KLKB1: variants seen among roughly 807,000 people sequenced by gnomAD.
KLKB1 encodes kallikrein B1.
Under a neutral mutation model 73.6 loss-of-function variants are expected in KLKB1, and 58 were observed. The observed-to-expected ratio is 0.79, with a 90% CI of 0.64 to 0.98. The LOEUF (loss-of-function observed/expected upper bound fraction) is 0.98, where lower values mean the gene tolerates loss of function less well. Ranked by LOEUF, KLKB1 falls within the 50% of genes least tolerant of loss-of-function variation. The probability of loss-of-function intolerance (pLI) is 0.00; values close to 1 mark genes in which losing one functional copy is unlikely to be tolerated. For synonymous variants in KLKB1, 280 were observed against 258.1 expected (o/e 1.08, Z -0.81); for missense variants, 737 against 763.8 (o/e 0.96, Z 0.41).
At chr4:186,236,619 A>G (rs1737702234) in intron 4 of KLKB1, among the ~76,000 whole-genome samples, 162 bp from the exon 5 acceptor site, 2 of 152,206 alleles carry the variant, frequency 1.3e-5, no homozygotes, top group Non-Finnish European at 2.9e-5. Context: ...GAGTTCGATA[A>G]TTTATGTACA....
chr4:186,232,408 G>A (rs1737444401), intron 3 of KLKB1, 119 bp downstream of exon 3: 3 of 901,070 alleles, frequency 3.3e-6, no homozygotes, highest in South Asian at 1.5e-5. Flanking sequence ...ACCAGCTTCA[G>A]CAAAATCCCG....
chr4:186,228,276 A>T, intron 2 of KLKB1, 23 bp downstream of exon 2: 1 of 1,522,764 alleles, frequency 6.6e-7, no homozygotes, highest in Admixed American at 1.7e-5. Context: ...TCTATAAAAC[A>T]TGGAATTCAG....
rs143680259 is a variant in KLKB1 at position 186,256,063 on chromosome 4, G to A, written c.1561G>A (p.Gly521Arg). 1.7e-4 allele frequency: 278 copies of A among 1,610,054 alleles called. No individual in the cohort carries two copies. Among genetic ancestry groups the A allele is most frequent in the Non-Finnish European group, 2.2e-4 (261 of 1,176,468 alleles). ...STIYTNCWVTGWGFSKEKGEI... is the reference protein window; with the variant it reads ...STIYTNCWVTRWGFSKEKGEI... ...AATTTATACCAACTGTTGGGTAACC[G>A]GATGGGGCTTCTCGAAGGAGAAAGG... Residue 521 changes from glycine to arginine, a missense_variant, in exon 13 of 15, where the codon GGA (glycine) becomes AGA (arginine). By Grantham distance (125) the Gly-to-Arg change is moderately radical. Coordinates refer to ENST00000264690, the MANE Select transcript of KLKB1 (RefSeq NM_000892.5).
At chr4:186,222,504 G>C (rs1561445050), upstream of KLKB1, among the ~76,000 whole-genome samples, 1 of 151,952 alleles carries the variant, frequency 6.6e-6, no homozygotes, top group Non-Finnish European at 1.5e-5. Flanking sequence ...TTTTAATCTG[G>C]TAACAACTTT....
chr4:186,254,806 G>A, intron 12 of KLKB1, 43 bp downstream of exon 12: 1 of 1,532,070 alleles, frequency 6.5e-7, no homozygotes, highest in Non-Finnish European at 9.0e-7. Context: ...AATTGCGCTG[G>A]TTGATATTTT....
intron 7 of KLKB1, 52 bp from the exon 8 acceptor site, chr4:186,251,167 C>A: frequency 1.7e-6 from 2 of 1,186,496 alleles, no homozygotes; most frequent in Non-Finnish European, 2.5e-6. Flanking sequence ...TTGCCTAATG[C>A]CTTTAATGCA....
Position 186,258,231 on chromosome 4 carries a change from G to C in KLKB1, c.*19G>C. On this transcript the variant is annotated 3_prime_UTR_variant, in exon 15 of 15. Transcript: ENST00000264690. ...AGCATGAGAAGCAGTCCAGAGTCTA[G>C]GCAATTTTTACAACCTGAGTTCAAG... 1 of 1,608,974 alleles carries C rather than the reference G, an allele frequency of 6.2e-7. No individual in the cohort carries two copies. Among genetic ancestry groups the C allele is most frequent in the Admixed American group, 1.7e-5 (1 of 59,462 alleles).
intron 13 of KLKB1, 47 bp from the exon 14 acceptor site, chr4:186,257,179 T>G (rs1239220696): frequency 9.8e-7 from 1 of 1,024,220 alleles, no homozygotes; most frequent in African/African-American, 1.6e-5. Context: ...ATTATTTAAG[T>G]TATTATTATT....
intron 6 of KLKB1, among the ~76,000 whole-genome samples, chr4:186,249,339 A>G (rs772515529): frequency 1.3e-5 from 2 of 152,236 alleles, no homozygotes; most frequent in African/African-American, 2.4e-5. Flanking sequence ...TATATGGTGT[A>G]AAGTAGCAAT....
chr4:186,213,895 G>C (rs914080940), intron 2 of KLKB1, among the ~76,000 whole-genome samples: 3 of 152,084 alleles, frequency 2.0e-5, no homozygotes, highest in African/African-American at 7.2e-5. Flanking sequence ...TCTTTTTCTA[G>C]GAGCAGCACT....
In KLKB1 at chr4:186,236,866, A is replaced by G. The variant is rs375684310; in HGVS notation, c.414A>G (p.Gln138=). 1.9e-6 allele frequency: 3 copies of G among 1,613,962 alleles called. No homozygotes were observed. Among genetic ancestry groups the G allele is most frequent in the African/African-American group, 2.7e-5 (2 of 74,904 alleles). ...VSKVSSVEEC[Q]KRCTSNIRCQ... is the part of the protein sequence containing the mutation. ...AGGTTAGCAGTGTTGAAGAATGCCA[A>G]AAAAGGTGCACCAGTAACATTCGCT... Residue 138 remains glutamine, a synonymous_variant, in exon 5 of 15, where the codon CAA becomes CAG. Coordinates refer to ENST00000264690, the MANE Select transcript of KLKB1 (RefSeq NM_000892.5).
chr4:186,238,344 C>A lies in KLKB1; in HGVS notation c.577C>A (p.Pro193Thr). 3 of 1,612,718 alleles carry A rather than the reference C, an allele frequency of 1.9e-6. No individual in the cohort carries two copies. The highest frequency in any genetic ancestry group is 2.5e-6 in the Non-Finnish European group (3 of 1,178,764). Residue 193 changes from proline (P) to threonine (T), a missense_variant, in exon 6 of 15, where the codon CCC becomes ACC. Transcript: ENST00000264690. ...SNVESGFSLKPCALSEIGCHM... is the reference protein window; with the variant it reads ...SNVESGFSLKTCALSEIGCHM... Reference sequence around the variant, plus strand: ...CGTGGAATCTGGATTCTCACTGAAGCCCTGTGCCCTTTCAGAAATTGGTAA... The same window carrying A: ...CGTGGAATCTGGATTCTCACTGAAGACCTGTGCCCTTTCAGAAATTGGTAA...
chr4:186,251,986 C>G (rs1306613746), intron 10 of KLKB1, 31 bp from the exon 11 acceptor site: 2 of 1,614,124 alleles, frequency 1.2e-6, no homozygotes, highest in Admixed American at 1.7e-5. Flanking sequence ...ACTTCTAATT[C>G]CAACCATTAG....
intron 6 of KLKB1, 98 bp from the exon 7 acceptor site, chr4:186,250,145 A>G: frequency 8.8e-7 from 1 of 1,138,610 alleles, no homozygotes; most frequent in Non-Finnish European, 1.3e-6. Context: ...ACTATGAATA[A>G]TAAATAGTCA....
At chr4:186,257,799 C>T (rs968664701) in intron 14 of KLKB1, among the ~76,000 whole-genome samples, 2 of 150,868 alleles carry the variant, frequency 1.3e-5, no homozygotes, top group African/African-American at 4.9e-5. Flanking sequence ...CAAGGTCTTG[C>T]ACACACACAG....
chr4:186,253,868 C>T (rs1294901537), intron 11 of KLKB1, among the ~76,000 whole-genome samples: 1 of 152,002 alleles, frequency 6.6e-6, no homozygotes, highest in African/African-American at 2.4e-5. Context: ...TGGAGTCTCT[C>T]TCTGTTGCCC....
Position 186,256,105 on chromosome 4 carries a change from A to T in KLKB1, c.1585+18A>T. ...GGAGAAAGGTAAGCATGACGCTTTA[A>T]ATATTGCTTCTAGAGTAAGTCTCAC... On this transcript the variant is annotated intron_variant, in intron 13 of 14. Coordinates refer to ENST00000264690, the MANE Select transcript of KLKB1 (RefSeq NM_000892.5). 1 of 1,487,926 alleles carries T rather than the reference A, an allele frequency of 6.7e-7. No individual in the cohort carries two copies. The highest frequency in any genetic ancestry group is 2.3e-5 in the East Asian group (1 of 44,290). 92.2% of individuals were successfully genotyped at this position (1,487,926 alleles called of 1,614,324 possible).
At chr4:186,245,824 G>GTTTTTTT (rs1402408736) in intron 6 of KLKB1, among the ~76,000 whole-genome samples, 2,302 of 109,412 alleles carry the variant, frequency 0.021, 491 homozygotes, top group East Asian at 0.05. Context: ...TTGTTTTTTG[G>GTTTTTTT]TTTTTTTTTT....
chr4:186,242,295 G>C (rs138250120), intron 6 of KLKB1, among the ~76,000 whole-genome samples: 193 of 150,036 alleles, frequency 1.3e-3, no homozygotes, highest in African/African-American at 4.5e-3. Context: ...AGATGTATAC[G>C]TGCAGGCCTG....
Sources: allele counts gnomAD v4.1 joint callset (sites outside exome capture counted in the v4.1 genomes callset), GRCh38; gene constraint gnomAD v4.1.1; transcripts MANE v1.5; gene names NCBI Gene and HGNC (gene_info 2026-07-23, HGNC 2026-07-21).